The following A1CF variants were observed in gnomAD, a reference collection of about 807,000 sequenced individuals.
A1CF encodes the protein APOBEC1 complementation factor, also known as APOBEC-1 stimulating protein.
Under a neutral mutation model 68.9 loss-of-function variants are expected in A1CF, and 48 were observed. The ratio of observed to expected loss-of-function variants is 0.70; its 90% confidence interval spans 0.55 to 0.89. The LOEUF is 0.89. A1CF is among the 40% of genes least tolerant of loss of function. A1CF has a pLI of 0.00. For synonymous variants in A1CF, 272 were observed against 260.4 expected, an observed-to-expected ratio of 1.04 and a Z score of -0.43; for missense variants, 653 against 718.9, an observed-to-expected ratio of 0.91 and a Z score of 1.05.
intron 3 of A1CF, among the ~76,000 whole-genome samples, chr10:50,852,505 T>C (rs991221486): frequency 7.2e-5 from 11 of 152,158 alleles, no homozygotes; most frequent in African/African-American, 2.7e-4. Flanking sequence ...TAGGGAAGCA[T>C]GAGCCTGTGA....
Position 50,806,760 on chromosome 10 carries a change from G to T in A1CF, c.1730C>A (p.Thr577Asn), listed in dbSNP as rs775835418. 6.2e-7 allele frequency: 1 copy of T among 1,610,534 alleles called. No individual in the cohort carries two copies. The highest frequency in any genetic ancestry group is 1.1e-5 in the South Asian group (1 of 90,322). ...TYEVYPTFAV[T>N]ARGDGYGTF ...GGTGCCATATCCATCCCCTCGGGCA[G>T]TCACTGCAAAAGTTGGGTAGACCTC... Residue 577 changes from threonine (T) to asparagine (N), a missense_variant, in exon 13 of 13, where the codon ACT becomes AAT. Transcript: ENST00000373997.
At chr10:50,857,140 C>G (rs1244218416) in intron 3 of A1CF, among the ~76,000 whole-genome samples, 3 of 152,022 alleles carry the variant, frequency 2.0e-5, no homozygotes, top group Non-Finnish European at 4.4e-5. Context: ...AATACTATTT[C>G]ATCTGTGACA....
chr10:50,810,516 C>A (rs1181398368), intron 11 of A1CF, among the ~76,000 whole-genome samples: 8 of 152,160 alleles, frequency 5.3e-5, no homozygotes, highest in African/African-American at 1.7e-4. Context: ...GAGTCTCACT[C>A]TATTGCCCAG....
At chr10:50,849,381 T>C (rs1477302520) in intron 3 of A1CF, among the ~76,000 whole-genome samples, 1 of 152,238 alleles carries the variant, frequency 6.6e-6, no homozygotes, top group Non-Finnish European at 1.5e-5. Flanking sequence ...ATTATTTCTA[T>C]TGGCTATTTT....
chr10:50,838,599 G>A (rs1215389568), intron 5 of A1CF, among the ~76,000 whole-genome samples: 1 of 152,136 alleles, frequency 6.6e-6, no homozygotes, highest in Non-Finnish European at 1.5e-5. Context: ...CAAAAGCTGA[G>A]GCCACAACTT....
At chr10:50,846,982 A>G (rs766036437) in intron 3 of A1CF, among the ~76,000 whole-genome samples, 2 of 152,152 alleles carry the variant, frequency 1.3e-5, no homozygotes, top group Non-Finnish European at 2.9e-5. Flanking sequence ...GGCATTAGTC[A>G]TGGGGTTAGA....
chr10:50,830,162 C>T (rs887177229), intron 6 of A1CF, among the ~76,000 whole-genome samples: 6 of 152,066 alleles, frequency 3.9e-5, no homozygotes, highest in African/African-American at 9.7e-5. Context: ...AACTTTGTAT[C>T]GTTTGACCAA....
chr10:50,846,492 C>A (rs910034703), intron 3 of A1CF, among the ~76,000 whole-genome samples: 16 of 152,220 alleles, frequency 1.1e-4, no homozygotes, highest in Admixed American at 9.2e-4. Flanking sequence ...CTGTAACATT[C>A]AACAGATTAT....
In A1CF at chr10:50,806,854, G is replaced by T; in HGVS notation, c.1636C>A (p.Pro546Thr). The change falls in exon 13 of 13, where the codon CCC becomes ACC. Residue 546 changes from proline (P) to threonine (T), a missense_variant. Physicochemically the swap from Pro to Thr is conservative, Grantham distance 38. Transcript: ENST00000373997. ...TGCTTGAGCTGGGCTGCAGACACGGGTGCAGTTGCATTAGGGACAGCATAT... is the reference window on the plus strand; with the variant it reads ...TGCTTGAGCTGGGCTGCAGACACGGTTGCAGTTGCATTAGGGACAGCATAT... ...PGYAVPNATA[P>T]VSAAQLKQAV... 6.2e-7 allele frequency: 1 copy of T among 1,612,852 alleles called. No homozygotes were observed. Among genetic ancestry groups the T allele is most frequent in the South Asian group, 1.1e-5 (1 of 90,888 alleles).
intron 3 of A1CF, among the ~76,000 whole-genome samples, chr10:50,849,541 A>G (rs2132483109): frequency 6.6e-6 from 1 of 152,360 alleles, no homozygotes; most frequent in East Asian, 1.9e-4. Flanking sequence ...AAAAGCTACG[A>G]TATGAACATT....
At position 50,803,128 on chromosome 10, in the gene A1CF, A is replaced by C. The variant is rs1475772449; in HGVS notation, c.*3601T>G. On this transcript the variant is annotated 3_prime_UTR_variant, in exon 13 of 13. Transcript: ENST00000373997. ...TTTGGAGACAGGGTCTTGCTCTGTC[A>C]CCCAGGCTGGAGTGCAGCGATGTGA... 1 of 152,268 alleles carries C rather than the reference A, an allele frequency of 6.6e-6. No individual in the cohort carries two copies. The highest frequency in any genetic ancestry group is 1.5e-5 in the Non-Finnish European group (1 of 68,068). 9.4% of individuals were successfully genotyped at this position (152,268 alleles called of 1,614,324 possible). A position where few individuals can be genotyped will look rare whatever the true frequency, so the allele number is the denominator to read the frequency against.
Position 50,802,626 on chromosome 10 carries a change from G to A in A1CF, c.*4103C>T, listed in dbSNP as rs1403313067. 1 of 152,068 alleles carries A rather than the reference G, an allele frequency of 6.6e-6. No individual in the cohort carries two copies. The highest frequency in any genetic ancestry group is 2.4e-5 in the African/African-American group (1 of 41,444). The allele number at this position is 152,068 out of a possible 1,614,324, so 9.4% of individuals were successfully genotyped here. A position where few individuals can be genotyped will look rare whatever the true frequency, so the allele number is the denominator to read the frequency against. ...AAGAAGAGAATAATCATGACTTTAT[G>A]TGAATATTGAGCACATAGTTCATTT... On this transcript the variant is annotated 3_prime_UTR_variant, in exon 13 of 13. Coordinates refer to ENST00000373997, the MANE Select transcript of A1CF (RefSeq NM_014576.4).
At chr10:50,825,850 G>A (rs1370590545) in intron 7 of A1CF, among the ~76,000 whole-genome samples, 1 of 152,070 alleles carries the variant, frequency 6.6e-6, no homozygotes, top group African/African-American at 2.4e-5. Flanking sequence ...ATTCCATTAG[G>A]CCAGTGGTTC....
rs1056707940 is a variant in A1CF, at chr10:50,800,388, A to G, written c.*6341T>C. On this transcript the variant is annotated 3_prime_UTR_variant, in exon 13 of 13. Transcript: ENST00000373997. ...ATTCACCTTTTAAAAGGCTTATTGT[A>G]TCAGTCCAGAGTTTGGCAATAATAG... The G allele has an allele frequency of 2.6e-5, 4 of 152,204 alleles. No individual in the cohort carries two copies. The highest frequency in any genetic ancestry group is 5.9e-5 in the Non-Finnish European group (4 of 68,020). The allele number at this position is 152,204 out of a possible 1,614,324, so 9.4% of individuals were successfully genotyped here. A position where few individuals can be genotyped will look rare whatever the true frequency, so the allele number is the denominator to read the frequency against.
At chr10:50,840,622 T>G (rs1013229573) in intron 5 of A1CF, among the ~76,000 whole-genome samples, 1 of 152,198 alleles carries the variant, frequency 6.6e-6, no homozygotes, top group African/African-American at 2.4e-5. Flanking sequence ...GGCAATTGGT[T>G]GCACAAAGTC....
intron 5 of A1CF, among the ~76,000 whole-genome samples, chr10:50,839,985 G>A (rs954068749): frequency 1.4e-4 from 22 of 152,244 alleles, no homozygotes; most frequent in Admixed American, 8.5e-4. Flanking sequence ...CAGGTGATCC[G>A]CCCGCCTTGG....
chr10:50,847,878 G>GT (rs1235251899), intron 3 of A1CF, among the ~76,000 whole-genome samples: 1 of 152,046 alleles, frequency 6.6e-6, no homozygotes, highest in East Asian at 1.9e-4. Flanking sequence ...ATGTGATGTG[G>GT]TTTTGGGTTT....
rs371449347 is a variant in A1CF at position 50,867,897 on chromosome 10, C to T, written c.-93-3817G>A. On this transcript the variant is annotated intron_variant, in intron 1 of 12. Transcript: ENST00000373997. ...AGGCATTCTGTTAATAGTATGTTTACTATCTTGATTTGATTTTTCGGAAGA... is the reference window on the plus strand; with the variant it reads ...AGGCATTCTGTTAATAGTATGTTTATTATCTTGATTTGATTTTTCGGAAGA... Among the ~76,000 whole-genome samples the T allele has an allele frequency of 1.7e-4, 26 of 152,276 alleles. 1 individual carries two copies. In the South Asian group the frequency reaches 5.4e-3, roughly 32 times the overall value.
At chr10:50,817,635 A>T (rs568457703) in intron 8 of A1CF, among the ~76,000 whole-genome samples, 1 of 152,328 alleles carries the variant, frequency 6.6e-6, no homozygotes, top group South Asian at 2.1e-4. Context: ...GAACTTGGGT[A>T]TAAGATTCTT....
Sources: allele counts gnomAD v4.1 joint callset (sites outside exome capture counted in the v4.1 genomes callset), GRCh38; gene constraint gnomAD v4.1.1; transcripts MANE v1.5; gene names NCBI Gene and HGNC (gene_info 2026-07-23, HGNC 2026-07-21).